The following SLC12A6 variants were observed in gnomAD, a reference collection of about 807,000 sequenced individuals.
SLC12A6 encodes the protein solute carrier family 12 member 6, also known as K-Cl cotransporter 3.
Under a neutral mutation model 135.3 loss-of-function variants are expected in SLC12A6, and 66 were observed. That is an observed-to-expected ratio of 0.49 (90% CI 0.40 to 0.60). The LOEUF (loss-of-function observed/expected upper bound fraction) is 0.60. Among genes scored for constraint, SLC12A6 ranks in the 20% least tolerant of loss-of-function variants. The pLI is 0.00. For missense variants in SLC12A6, 1,058 were observed against 1,452.3 expected (o/e 0.73, Z 4.41); for synonymous variants, 513 against 508.8 (o/e 1.01, Z -0.11).
At chr15:34,287,862 T>A (rs371025840) in intron 2 of SLC12A6, among the ~76,000 whole-genome samples, 1 of 152,246 alleles carries the variant, frequency 6.6e-6, no homozygotes, top group South Asian at 2.1e-4. Context: ...AAGTTCTTTG[T>A]AGATTGTGGA....
At chr15:34,336,382 G>A (rs1595597024) in intron 2 of SLC12A6, 28 bp downstream of exon 2, 1 of 1,581,566 alleles carries the variant, frequency 6.3e-7, no homozygotes, top group South Asian at 1.1e-5. Context: ...AGTAATGAAA[G>A]TATGCTGCGG....
At position 34,245,469 on chromosome 15, in the gene SLC12A6, T is replaced by G. The variant is rs1760783963; in HGVS notation, c.1825-66A>C. The G allele has an allele frequency of 3.9e-6, 4 of 1,018,622 alleles. No homozygotes were observed. In the South Asian group the frequency reaches 5.1e-5, roughly 13 times the overall value. The allele number at this position is 1,018,622 out of a possible 1,614,324, so 63.1% of individuals were successfully genotyped here. A position where few individuals can be genotyped will look rare whatever the true frequency, so the allele number is the denominator to read the frequency against. ...TCATTGCTCTCTGATTTCTCTAGCC[T>G]ACAGTTTTCAGACATCTGGAAGACA... On this transcript the variant is annotated intron_variant, in intron 14 of 25. Coordinates refer to ENST00000354181, the MANE Select transcript of SLC12A6 (RefSeq NM_001365088.1).
In SLC12A6 at chr15:34,239,210, T is replaced by TTAACCCATTGTTC; in HGVS notation, c.2437-63_2437-51dup. The TTAACCCATTGTTC allele has an allele frequency of 2.2e-6, 3 of 1,346,146 alleles. No individual in the cohort carries two copies. The South Asian group carries it at 3.5e-5, about 16-fold the overall frequency. 83.4% of individuals were successfully genotyped at this position (1,346,146 alleles called of 1,614,324 possible). ...ACTGAACTGGTTCACTCTGGACATTTTAACCCATTGTTCCTTCTCCATATT... is the reference window on the plus strand; with the variant it reads ...ACTGAACTGGTTCACTCTGGACATTTTAACCCATTGTTCTAACCCATTGTTCCTTCTCCATATT... On this transcript the variant is annotated intron_variant, in intron 19 of 25. Transcript: ENST00000354181.
intron 2 of SLC12A6, among the ~76,000 whole-genome samples, chr15:34,318,380 G>A (rs910458865): frequency 6.6e-6 from 1 of 152,174 alleles, no homozygotes; most frequent in Non-Finnish European, 1.5e-5. Flanking sequence ...AAACAATCCA[G>A]TGTGTGAGAA....
chr15:34,293,202 G>C (rs559576699), intron 2 of SLC12A6, among the ~76,000 whole-genome samples: 147 of 152,294 alleles, frequency 9.7e-4, no homozygotes, highest in Non-Finnish European at 1.6e-3. Context: ...TTCTGATATG[G>C]CTTTAAGGAT....
Position 34,275,342 on chromosome 15 carries a change from T to C in SLC12A6, c.316+3A>G, listed in dbSNP as rs770936792. On this transcript the variant is annotated splice_donor_region_variant and intron_variant, in intron 3 of 25. Transcript: ENST00000354181. ...AAAGTCAATCCCCACAGTAATACTA[T>C]ACCTAACAGTTGGCTGTGTTCCCCT... 1.4e-5 allele frequency: 20 copies of C among 1,468,242 alleles called. No individual in the cohort carries two copies. Among genetic ancestry groups the C allele is most frequent in the Non-Finnish European group, 1.9e-5 (20 of 1,047,734 alleles). The allele number at this position is 1,468,242 out of a possible 1,614,324, so 91.0% of individuals were successfully genotyped here.
At chr15:34,271,397 G>A (rs347818) in intron 3 of SLC12A6, among the ~76,000 whole-genome samples, 65,000 of 148,704 alleles carry the variant, frequency 0.44, 16,554 homozygotes, top group African/African-American at 0.73. Context: ...TTAATCTCAT[G>A]TTGCCATTCT....
intron 10 of SLC12A6, among the ~76,000 whole-genome samples, chr15:34,251,524 G>A (rs1892394813): frequency 6.6e-6 from 1 of 152,094 alleles, no homozygotes; most frequent in Non-Finnish European, 1.5e-5. Flanking sequence ...TAGGATTACA[G>A]GCATAACCCA....
At chr15:34,312,027 T>C (rs1465198282) in intron 2 of SLC12A6, among the ~76,000 whole-genome samples, 1 of 152,260 alleles carries the variant, frequency 6.6e-6, no homozygotes. Flanking sequence ...CTGTCACATA[T>C]GTATTAAGTG....
intron 2 of SLC12A6, among the ~76,000 whole-genome samples, chr15:34,309,207 A>G (rs1020149697): frequency 3.3e-5 from 5 of 152,188 alleles, no homozygotes; most frequent in African/African-American, 9.7e-5. Flanking sequence ...AGCCTGGCCA[A>G]AGCAAGAAAT....
chr15:34,236,895 CTAAAT>C (rs1349923781), intron 22 of SLC12A6, 80 bp from the exon 23 acceptor site: 2 of 824,368 alleles, frequency 2.4e-6, no homozygotes, highest in Non-Finnish European at 4.3e-6. Flanking sequence ...TTTCCAGTCA[CTAAAT>C]TAAACCAGGG....
At chr15:34,291,174 T>C (rs2140968760) in intron 2 of SLC12A6, among the ~76,000 whole-genome samples, 1 of 152,310 alleles carries the variant, frequency 6.6e-6, no homozygotes, top group Non-Finnish European at 1.5e-5. Flanking sequence ...TAAGACAGAC[T>C]TGGTGGTGAC....
chr15:34,287,350 A>G (rs1895164917), intron 2 of SLC12A6, among the ~76,000 whole-genome samples: 1 of 152,194 alleles, frequency 6.6e-6, no homozygotes, highest in African/African-American at 2.4e-5. Context: ...CATGGTGTAT[A>G]TGTGCCACAT....
At position 34,251,034 on chromosome 15, in the gene SLC12A6, G is replaced by A. The variant is rs994876541; in HGVS notation, c.1357C>T (p.Pro453Ser). The change falls in exon 11 of 26, where the codon CCC becomes TCC. Residue 453 changes from proline to serine, a missense_variant. Coordinates refer to ENST00000354181, the MANE Select transcript of SLC12A6 (RefSeq NM_001365088.1). ...GGCTTTTCGATGATCTCTCCCTTGG[G>A]TAGGTAATTACTCCAAAGATTCTCT... ...ITENLWSNYL[P>S]KGEIIEKPSA... 1.2e-6 allele frequency: 2 copies of A among 1,610,230 alleles called. No individual in the cohort carries two copies. Among genetic ancestry groups the A allele is most frequent in the Non-Finnish European group, 1.7e-6 (2 of 1,176,804 alleles).
intron 2 of SLC12A6, among the ~76,000 whole-genome samples, chr15:34,287,446 ATG>A (rs1289964354): frequency 2.0e-5 from 3 of 148,430 alleles, no homozygotes; most frequent in African/African-American, 7.3e-5. Flanking sequence ...AAACATGCAC[ATG>A]TGTCTTTATC....
intron 2 of SLC12A6, among the ~76,000 whole-genome samples, chr15:34,297,610 T>A (rs1222440245): frequency 6.6e-6 from 1 of 152,168 alleles, no homozygotes; most frequent in African/African-American, 2.4e-5. Flanking sequence ...CAGGAAGCAG[T>A]GTGAGGGTCC....
Position 34,232,022 on chromosome 15 carries a change from T to C in SLC12A6, c.*1859A>G, listed in dbSNP as rs537801396. The C allele has an allele frequency of 2.0e-5, 3 of 152,160 alleles. No homozygotes were observed. Among genetic ancestry groups the C allele is most frequent in the Non-Finnish European group, 4.4e-5 (3 of 68,022 alleles). 9.4% of individuals were successfully genotyped at this position (152,160 alleles called of 1,614,324 possible). ...AATCAAAGAAGAGTGGCACTATTTA[T>C]GACTAATAAATTGAAATTCAAAAAC... On this transcript the variant is annotated 3_prime_UTR_variant, in exon 26 of 26. Coordinates refer to ENST00000354181, the MANE Select transcript of SLC12A6 (RefSeq NM_001365088.1).
chr15:34,254,521 T>C lies in SLC12A6; in HGVS notation c.945A>G (p.Leu315=). 1 of 1,612,490 alleles carries C rather than the reference T, an allele frequency of 6.2e-7. No homozygotes were observed. Among genetic ancestry groups the C allele is most frequent in the Non-Finnish European group, 8.5e-7 (1 of 1,178,480 alleles). ...DDALKESAAM[L]NNMRVYGTAF... ...CTGTGCCGTAGACACGCATGTTATT[T>C]AGCATGGCTGCTGATTCCTTGAGTG... Residue 315 remains leucine (L), a synonymous_variant, in exon 9 of 26, where the codon CTA becomes CTG. Coordinates refer to ENST00000354181, the MANE Select transcript of SLC12A6 (RefSeq NM_001365088.1).
chr15:34,310,414 AGT>A lies in SLC12A6; in HGVS notation c.271+25994_271+25995del, dbSNP rs146623414. Among the ~76,000 whole-genome samples, 174 of 57,532 alleles carry A rather than the reference AGT, an allele frequency of 3.0e-3. 2 individuals are homozygous for A. Among genetic ancestry groups the A allele is most frequent in the Non-Finnish European group, 4.3e-3 (137 of 31,860 alleles). 37.7% of individuals were successfully genotyped at this position (57,532 alleles called of 152,430 possible). Reference sequence around the variant, plus strand: ...GGCTGGTGTTGAACTCCTGGGCTCAAGTGTGTGTGTGTGTGTGTGTGTGTCCC... The same window carrying A: ...GGCTGGTGTTGAACTCCTGGGCTCAAGTGTGTGTGTGTGTGTGTGTGTCCC... On this transcript the variant is annotated intron_variant, in intron 2 of 25. Transcript: ENST00000354181.
Sources: gnomAD v4.1 joint callset for allele counts (sites outside exome capture counted in the v4.1 genomes callset) on GRCh38, gnomAD v4.1.1 for gene constraint, MANE v1.5 for transcripts, NCBI Gene and HGNC (gene_info 2026-07-23, HGNC 2026-07-21) for gene names.